Variants in ANK2 observed in about 807,000 individuals in gnomAD.
The protein encoded by ANK2 is ankyrin-2.
Under a neutral mutation model 360.5 loss-of-function variants are expected in ANK2, and 83 were observed. That is an observed-to-expected ratio of 0.23 (90% CI 0.19 to 0.28). The LOEUF is 0.28. Among genes scored for constraint, ANK2 ranks in the 10% least tolerant of loss-of-function variants. The pLI is 1.00. For synonymous variants in ANK2, 1,740 were observed against 1,759.5 expected (o/e 0.99, Z 0.28); for missense variants, 4,201 against 4,795.7 (o/e 0.88, Z 3.66).
chr4:113,193,872 T>G (rs2098709660), intron 2 of ANK2, among the ~76,000 whole-genome samples: 1 of 152,230 alleles, frequency 6.6e-6, no homozygotes, highest in Admixed American at 6.5e-5. Context: ...AATATTTACA[T>G]TTTCATACAA....
At chr4:113,061,899 G>T (rs1242969256) in intron 1 of ANK2, among the ~76,000 whole-genome samples, 1 of 152,040 alleles carries the variant, frequency 6.6e-6, no homozygotes, top group East Asian at 1.9e-4. Context: ...TGAAGTGATA[G>T]ATACCCTGTT....
intron 1 of ANK2, among the ~76,000 whole-genome samples, chr4:112,831,584 C>CTT (rs57392835): frequency 1.5e-4 from 4 of 26,660 alleles, no homozygotes; most frequent in African/African-American, 1.4e-3. Context: ...GGCCAATCAG[C>CTT]CCTGTAAAAT....
chr4:113,160,549 T>C (rs1465360189), intron 1 of ANK2, among the ~76,000 whole-genome samples: 3 of 152,238 alleles, frequency 2.0e-5, no homozygotes, highest in African/African-American at 7.2e-5. Flanking sequence ...CCAATGCTGC[T>C]TGACATTCCT....
At chr4:113,313,531 T>C (rs1022192466) in intron 24 of ANK2, among the ~76,000 whole-genome samples, 1 of 152,334 alleles carries the variant, frequency 6.6e-6, no homozygotes, top group South Asian at 2.1e-4. Flanking sequence ...ACTAGATGTA[T>C]TCACCATTTC....
chr4:112,827,567 T>C, intron 1 of ANK2: 1 of 1,087,248 alleles, frequency 9.2e-7, no homozygotes. Flanking sequence ...GAAGAGGAGA[T>C]GAAATATTCT....
intron 34 of ANK2, 53 bp from the exon 35 acceptor site, chr4:113,345,842 TTAAAG>T: frequency 1.2e-6 from 2 of 1,603,584 alleles, no homozygotes; most frequent in Non-Finnish European, 1.7e-6. Flanking sequence ...CATCATCTAG[TTAAAG>T]TAAATACTGC....
intron 1 of ANK2, among the ~76,000 whole-genome samples, chr4:112,877,512 G>A (rs528711963): frequency 9.1e-4 from 138 of 152,236 alleles, no homozygotes; most frequent in African/African-American, 3.2e-3. Context: ...ACAGCACCTG[G>A]CCCCTTATCT....
chr4:112,946,630 A>G (rs908050368), intron 2 of ANK2, among the ~76,000 whole-genome samples: 3 of 152,238 alleles, frequency 2.0e-5, no homozygotes, highest in Non-Finnish European at 4.4e-5. Flanking sequence ...AACTGGGAGC[A>G]TATCAGATCA....
intron 4 of ANK2, among the ~76,000 whole-genome samples, chr4:113,217,448 A>G (rs1388667896): frequency 2.0e-5 from 3 of 152,208 alleles, no homozygotes; most frequent in African/African-American, 4.8e-5. Flanking sequence ...AATGTATTTC[A>G]AGGTATAAAT....
chr4:113,290,144 T>A (rs1464419982), intron 20 of ANK2, among the ~76,000 whole-genome samples: 1 of 151,562 alleles, frequency 6.6e-6, no homozygotes, highest in African/African-American at 2.4e-5. Context: ...GAAAGAAAAA[T>A]CTCATTTTAT....
chr4:113,196,170 T>C (rs2098744595), intron 2 of ANK2, among the ~76,000 whole-genome samples, 198 bp from the exon 3 acceptor site: 1 of 152,228 alleles, frequency 6.6e-6, no homozygotes, highest in Non-Finnish European at 1.5e-5. Context: ...TAATGAATAC[T>C]TACCTTATTG....
chr4:112,830,708 G>A (rs1271381739), intron 1 of ANK2, among the ~76,000 whole-genome samples: 15 of 152,140 alleles, frequency 9.9e-5, no homozygotes, highest in Middle Eastern at 3.2e-3. Context: ...CTCTGGCTGC[G>A]CTTGAGGAGC....
chr4:113,357,756 T>C lies in ANK2; in HGVS notation c.9138T>C (p.Ser3046=). 1 of 1,613,834 alleles carries C rather than the reference T, an allele frequency of 6.2e-7. No homozygotes were observed. The highest frequency in any genetic ancestry group is 2.2e-5 in the East Asian group (1 of 44,852). ...TKTDVDSDSW[S]EIREDDEAFE... ...CTGATGTGGATTCTGATTCTTGGAG[T>C]GAAATTCGGGAAGACGATGAAGCCT... The change falls in exon 38 of 46, where the codon AGT becomes AGC. Residue 3046 remains serine, a synonymous_variant. Coordinates refer to ENST00000357077, the MANE Select transcript of ANK2 (RefSeq NM_001148.6).
the ANK2 span, among the ~76,000 whole-genome samples, chr4:112,773,041 G>T: frequency 6.6e-6 from 1 of 152,096 alleles, no homozygotes; most frequent in Non-Finnish European, 1.5e-5. Context: ...AGTGTGGTTG[G>T]ATGCGGTGGC....
chr4:113,108,351 C>CA (rs1167246538), intron 1 of ANK2, among the ~76,000 whole-genome samples: 3 of 152,106 alleles, frequency 2.0e-5, no homozygotes, highest in Admixed American at 2.0e-4. Context: ...TAAGTTCTTA[C>CA]AAAGCATGCA....
chr4:113,066,074 TG>T (rs1209525956), intron 1 of ANK2, among the ~76,000 whole-genome samples: 1 of 152,232 alleles, frequency 6.6e-6, no homozygotes, highest in African/African-American at 2.4e-5. Flanking sequence ...AAACAATATT[TG>T]GGTTTGTTGA....
intron 11 of ANK2, among the ~76,000 whole-genome samples, chr4:113,257,661 C>T (rs1453498902): frequency 6.6e-6 from 1 of 152,158 alleles, no homozygotes; most frequent in Non-Finnish European, 1.5e-5. Context: ...AATGGCCCTT[C>T]AGAAGAATAT....
Position 113,348,325 on chromosome 4 carries a change from G to A in ANK2, c.4404+17G>A. ...GAGGAAGAGGTAATTTTATGACAGTGTCACTTGTTATCGGCTGTGTCATTG... is the reference window on the plus strand; with the variant it reads ...GAGGAAGAGGTAATTTTATGACAGTATCACTTGTTATCGGCTGTGTCATTG... On this transcript the variant is annotated intron_variant, in intron 36 of 45. Transcript: ENST00000357077. 6 of 1,612,330 alleles carry A rather than the reference G, an allele frequency of 3.7e-6. No individual in the cohort carries two copies. Among genetic ancestry groups the A allele is most frequent in the Non-Finnish European group, 5.1e-6 (6 of 1,178,644 alleles).
intron 2 of ANK2, among the ~76,000 whole-genome samples, chr4:112,987,717 ATTGCCTAACTTAGT>A (rs1457126204): frequency 6.6e-6 from 1 of 151,988 alleles, no homozygotes; most frequent in East Asian, 1.9e-4. Flanking sequence ...ATATATGTCT[ATTGCCTAACTTAGT>A]TAGGCAATAC....
Sources: gnomAD v4.1 joint callset for allele counts (sites outside exome capture counted in the v4.1 genomes callset) on GRCh38, gnomAD v4.1.1 for gene constraint, MANE v1.5 for transcripts, NCBI Gene and HGNC (gene_info 2026-07-23, HGNC 2026-07-21) for gene names.